Variants in TRPC4 observed in about 807,000 individuals in gnomAD.
TRPC4 encodes the protein transient receptor potential cation channel subfamily C member 4.
In TRPC4, 49 loss-of-function variants were observed where a neutral mutation model predicts 99.4. The ratio of observed to expected loss-of-function variants is 0.49; its 90% confidence interval spans 0.39 to 0.63. The LOEUF is 0.63. Among genes scored for constraint, TRPC4 ranks in the 20% least tolerant of loss-of-function variants. TRPC4 has a pLI of 0.00. For synonymous variants in TRPC4, 454 were observed against 425.9 expected (o/e 1.07, Z -0.81); for missense variants, 898 against 1,152.9 (o/e 0.78, Z 3.20).
intron 2 of TRPC4, among the ~76,000 whole-genome samples, chr13:37,776,287 T>A (rs1341191466): frequency 6.6e-6 from 1 of 151,914 alleles, no homozygotes; most frequent in Non-Finnish European, 1.5e-5. Flanking sequence ...CTTTTTAATC[T>A]TAACGGCAGA....
At chr13:37,661,573 C>A (rs373816183) in intron 6 of TRPC4, among the ~76,000 whole-genome samples, 1 of 152,208 alleles carries the variant, frequency 6.6e-6, no homozygotes, top group Admixed American at 6.5e-5. Context: ...ATGGGGTGGT[C>A]TTGGCAAGCA....
chr13:37,749,097 T>A (rs1373155577), intron 2 of TRPC4, among the ~76,000 whole-genome samples: 1 of 152,064 alleles, frequency 6.6e-6, no homozygotes, highest in African/African-American at 2.4e-5. Context: ...GTTTGATAAG[T>A]GTCTGGCACT....
intron 1 of TRPC4, 72 bp downstream of exon 1, chr13:37,869,523 T>G (rs1960023783): frequency 3.3e-5 from 5 of 152,216 alleles, no homozygotes; most frequent in Admixed American, 3.3e-4. Context: ...TTAGGAAACT[T>G]AACCGAGATC....
chr13:37,864,235 G>C (rs1566233965), intron 1 of TRPC4, among the ~76,000 whole-genome samples: 1 of 151,546 alleles, frequency 6.6e-6, no homozygotes, highest in Non-Finnish European at 1.5e-5. Context: ...AGAAACACTT[G>C]TATCTGTCCT....
intron 2 of TRPC4, among the ~76,000 whole-genome samples, chr13:37,761,184 G>T (rs760920497): frequency 8.6e-5 from 13 of 151,940 alleles, no homozygotes; most frequent in Admixed American, 7.2e-4. Context: ...TAACCTGTAT[G>T]AAACACTTGC....
chr13:37,723,213 A>G (rs1954933391), intron 3 of TRPC4, among the ~76,000 whole-genome samples: 1 of 152,216 alleles, frequency 6.6e-6, no homozygotes, highest in African/African-American at 2.4e-5. Flanking sequence ...AAAGCATATG[A>G]TTAACACAGA....
intron 2 of TRPC4, among the ~76,000 whole-genome samples, chr13:37,760,208 T>G (rs570724043): frequency 6.6e-6 from 1 of 152,086 alleles, no homozygotes; most frequent in South Asian, 2.1e-4. Context: ...TCCTCTATAA[T>G]TAGGTCAATC....
At chr13:37,848,587 C>T (rs530278826) in intron 1 of TRPC4, among the ~76,000 whole-genome samples, 10 of 152,150 alleles carry the variant, frequency 6.6e-5, no homozygotes, top group South Asian at 2.1e-4. Flanking sequence ...AGACCAGAAT[C>T]GGAGCAAAGT....
At chr13:37,828,348 G>A (rs963177064) in intron 1 of TRPC4, among the ~76,000 whole-genome samples, 1 of 152,168 alleles carries the variant, frequency 6.6e-6, no homozygotes, top group Non-Finnish European at 1.5e-5. Flanking sequence ...ATGCTGGCGA[G>A]GTTGTGGAGA....
intron 3 of TRPC4, among the ~76,000 whole-genome samples, chr13:37,737,414 TA>T (rs1002794470): frequency 6.6e-6 from 1 of 152,126 alleles, no homozygotes; most frequent in Non-Finnish European, 1.5e-5. Flanking sequence ...CATCCTTGGT[TA>T]GGGGCAGAAA....
intron 3 of TRPC4, among the ~76,000 whole-genome samples, chr13:37,711,966 C>G (rs1954500138): frequency 6.6e-6 from 1 of 150,714 alleles, no homozygotes; most frequent in African/African-American, 2.4e-5. Flanking sequence ...CATTCTTTTC[C>G]TTTCTTTTTT....
chr13:37,828,553 T>C (rs1353214734), intron 1 of TRPC4, among the ~76,000 whole-genome samples: 4 of 152,182 alleles, frequency 2.6e-5, no homozygotes, highest in Admixed American at 2.0e-4. Flanking sequence ...CACACCACTA[T>C]TCATAATAGC....
At chr13:37,659,762 A>T (rs1442360691) in intron 6 of TRPC4, among the ~76,000 whole-genome samples, 1 of 152,130 alleles carries the variant, frequency 6.6e-6, no homozygotes, top group Non-Finnish European at 1.5e-5. Context: ...TAGGAGCAGG[A>T]ACAGATATTT....
chr13:37,725,081 AAAT>A (rs1955004826), intron 3 of TRPC4, among the ~76,000 whole-genome samples: 2 of 152,142 alleles, frequency 1.3e-5, no homozygotes, highest in South Asian at 2.1e-4. Flanking sequence ...AAGAAACAAA[AAAT>A]AAATTCTAGA....
At position 37,637,538 on chromosome 13, in the gene TRPC4, CA is replaced by C; in HGVS notation, c.2298del (p.Asn766LysfsTer34). On this transcript the variant is annotated frameshift_variant, in exon 11 of 11. Transcript: ENST00000379705. LOFTEE classifies it high-confidence loss of function. ...GSKLSTIQSANASKESSNSAD... is the reference protein window; with the variant it reads ...GSKLSTIQSAXASKESSNSAD... ...GCCGAATTTGAAGACTCCTTCGAGG[CA>C]TTCGCAGATTGTATTGTGGAAAGTT... 6.2e-7 allele frequency: 1 copy of C among 1,613,696 alleles called. No individual in the cohort carries two copies. The highest frequency in any genetic ancestry group is 1.1e-5 in the South Asian group (1 of 91,056).
At chr13:37,831,407 G>A (rs537932717) in intron 1 of TRPC4, among the ~76,000 whole-genome samples, 11 of 152,298 alleles carry the variant, frequency 7.2e-5, no homozygotes, top group African/African-American at 2.2e-4. Context: ...AGGATGTAGA[G>A]AAAAGGAAAT....
rs376445873 is a variant in TRPC4, at chr13:37,680,186, AAAG to A, written c.1235-5822_1235-5820del. Among the ~76,000 whole-genome samples, 131 of 152,324 alleles carry A rather than the reference AAAG, an allele frequency of 8.6e-4. No homozygotes were observed. The Middle Eastern group carries it at 0.01, about 12-fold the overall frequency. On this transcript the variant is annotated intron_variant, in intron 4 of 10. Transcript: ENST00000379705. ...AATGAGGACTTTGGGAAGGAGGTAT[AAAG>A]AAGAAGTTATGAGCTTGGTACAATG...
At chr13:37,812,169 A>AC (rs1232968129) in intron 1 of TRPC4, among the ~76,000 whole-genome samples, 1 of 126,636 alleles carries the variant, frequency 7.9e-6, no homozygotes, top group Non-Finnish European at 1.6e-5. Context: ...ACAGACTGAG[A>AC]CTCTATCAAA....
intron 3 of TRPC4, among the ~76,000 whole-genome samples, chr13:37,708,230 TA>T (rs1954358869): frequency 6.6e-6 from 1 of 152,140 alleles, no homozygotes; most frequent in Non-Finnish European, 1.5e-5. Context: ...TAAGGAGATT[TA>T]AAAATGCTCA....
Sources: gnomAD v4.1 joint callset for allele counts (sites outside exome capture counted in the v4.1 genomes callset) on GRCh38, gnomAD v4.1.1 for gene constraint, MANE v1.5 for transcripts, NCBI Gene and HGNC (gene_info 2026-07-23, HGNC 2026-07-21) for gene names.